The following TTC39B variants were observed in gnomAD, a reference collection of about 807,000 sequenced individuals.
TTC39B encodes tetratricopeptide repeat domain 39B, also known as tetratricopeptide repeat protein 39B.
A neutral mutation model predicts 96.6 loss-of-function variants in TTC39B; 92 were observed. The ratio of observed to expected loss-of-function variants is 0.95; its 90% CI spans 0.80 to 1.13. The LOEUF (loss-of-function observed/expected upper bound fraction) is 1.13. Ranked by LOEUF, TTC39B falls within the 50% of genes most tolerant of loss-of-function variation. The pLI is 0.00. For missense variants in TTC39B, 955 were observed against 809.3 expected (o/e 1.18, Z -2.18); for synonymous variants, 367 against 299.4 (o/e 1.23, Z -2.33).
At chr9:15,294,993 C>A (rs994894290) in intron 1 of TTC39B, among the ~76,000 whole-genome samples, 1 of 152,222 alleles carries the variant, frequency 6.6e-6, no homozygotes, top group African/African-American at 2.4e-5. Context: ...CCACGTCCAA[C>A]TGACTCCAGA....
At chr9:15,198,525 T>C (rs147944888) in intron 8 of TTC39B, among the ~76,000 whole-genome samples, 54 of 150,854 alleles carry the variant, frequency 3.6e-4, no homozygotes, top group African/African-American at 1.0e-3. Context: ...ATTACACTTT[T>C]GCAAACTTCT....
chr9:15,209,962 G>A, intron 6 of TTC39B, 126 bp downstream of exon 6: 2 of 689,526 alleles, frequency 2.9e-6, no homozygotes, highest in Non-Finnish European at 5.0e-6. Context: ...TCTTCCAGAG[G>A]GTGAGTATGA....
At chr9:15,302,251 G>A (rs1043488197) in intron 1 of TTC39B, among the ~76,000 whole-genome samples, 9 of 151,670 alleles carry the variant, frequency 5.9e-5, no homozygotes, top group East Asian at 2.0e-4. Context: ...ACTTGAGCCC[G>A]GGAGGCAGAC....
At chr9:15,207,517 T>C (rs1265580195) in intron 6 of TTC39B, among the ~76,000 whole-genome samples, 4 of 151,914 alleles carry the variant, frequency 2.6e-5, no homozygotes, top group African/African-American at 4.8e-5. Context: ...AGTGAAAGAG[T>C]TGTGGCTTAG....
At chr9:15,222,735 A>G (rs1488320320) in intron 3 of TTC39B, among the ~76,000 whole-genome samples, 1 of 152,210 alleles carries the variant, frequency 6.6e-6, no homozygotes, top group African/African-American at 2.4e-5. Flanking sequence ...AAAGAAGTCT[A>G]TGAAAGGTTT....
chr9:15,241,451 T>G (rs888195052), intron 2 of TTC39B, among the ~76,000 whole-genome samples: 2 of 152,066 alleles, frequency 1.3e-5, no homozygotes, highest in Non-Finnish European at 2.9e-5. Flanking sequence ...ATTCCAGGCA[T>G]GGTATCAGAT....
intron 3 of TTC39B, among the ~76,000 whole-genome samples, chr9:15,225,328 T>C (rs181584476): frequency 2.2e-3 from 337 of 152,316 alleles, no homozygotes; most frequent in African/African-American, 7.8e-3. Context: ...AGGATTATAG[T>C]AATACATATT....
At chr9:15,218,576 T>C (rs371366947) in intron 3 of TTC39B, among the ~76,000 whole-genome samples, 34 of 142,904 alleles carry the variant, frequency 2.4e-4, no homozygotes, top group African/African-American at 8.9e-4. Flanking sequence ...CGACTCCTCA[T>C]GTTTCTAATT....
At chr9:15,236,207 G>A (rs1315099078) in intron 2 of TTC39B, among the ~76,000 whole-genome samples, 2 of 151,910 alleles carry the variant, frequency 1.3e-5, no homozygotes, top group Non-Finnish European at 2.9e-5. Flanking sequence ...CCAACTAACA[G>A]TAAAAAAAGA....
chr9:15,242,415 C>A (rs1328657403), intron 2 of TTC39B, among the ~76,000 whole-genome samples: 1 of 152,080 alleles, frequency 6.6e-6, no homozygotes, highest in Non-Finnish European at 1.5e-5. Flanking sequence ...GACCCCATCT[C>A]TACAAAAAAT....
intron 7 of TTC39B, 46 bp from the exon 8 acceptor site, chr9:15,199,971 T>G (rs536472139): frequency 8.7e-7 from 1 of 1,150,500 alleles, no homozygotes; most frequent in East Asian, 2.5e-5. Context: ...GCAAAAAATT[T>G]TAAATTGTCC....
intron 4 of TTC39B, among the ~76,000 whole-genome samples, chr9:15,212,986 T>G (rs1820293894): frequency 1.3e-5 from 2 of 152,162 alleles, no homozygotes; most frequent in African/African-American, 4.8e-5. Flanking sequence ...TTCCTGACAC[T>G]AAGAACAGAT....
chr9:15,205,270 A>C (rs781213275), intron 6 of TTC39B, among the ~76,000 whole-genome samples: 1 of 152,190 alleles, frequency 6.6e-6, no homozygotes, highest in Non-Finnish European at 1.5e-5. Flanking sequence ...AAAGCTCAGA[A>C]AGAAGAAAGC....
intron 14 of TTC39B, among the ~76,000 whole-genome samples, 187 bp from the exon 15 acceptor site, chr9:15,187,222 A>G (rs1324535842): frequency 6.6e-6 from 1 of 152,184 alleles, no homozygotes; most frequent in Non-Finnish European, 1.5e-5. Context: ...CATAATTTAA[A>G]CCATTTTCCT....
chr9:15,249,886 C>T (rs1822454381), intron 2 of TTC39B: 2 of 1,233,092 alleles, frequency 1.6e-6, no homozygotes, highest in African/African-American at 3.2e-5. Context: ...ATCATAAACC[C>T]AGGAACTGCT....
intron 2 of TTC39B, among the ~76,000 whole-genome samples, chr9:15,231,819 T>C: frequency 6.6e-6 from 1 of 152,226 alleles, no homozygotes; most frequent in East Asian, 1.9e-4. Context: ...CCATCAACGT[T>C]AAAATCTCTC....
exon 20 of TTC39B, chr9:15,168,260 G>C (rs1310420070): frequency 6.6e-6 from 1 of 152,174 alleles, no homozygotes; most frequent in Non-Finnish European, 1.5e-5. Flanking sequence ...AAACAACACG[G>C]TTTACAGGCT....
intron 1 of TTC39B, among the ~76,000 whole-genome samples, chr9:15,271,223 T>A (rs1177391560): frequency 6.6e-6 from 1 of 152,208 alleles, no homozygotes; most frequent in East Asian, 1.9e-4. Flanking sequence ...CAAGGATTAT[T>A]TAACTCTCTA....
chr9:15,177,108 C>T (rs1217008952), intron 18 of TTC39B, among the ~76,000 whole-genome samples: 2 of 152,190 alleles, frequency 1.3e-5, no homozygotes, highest in African/African-American at 4.8e-5. Context: ...AGCACAGTCT[C>T]TGGCATATAG....
Sources: allele counts gnomAD v4.1 joint callset (sites outside exome capture counted in the v4.1 genomes callset), GRCh38; gene constraint gnomAD v4.1.1; transcripts MANE v1.5; gene names NCBI Gene and HGNC (gene_info 2026-07-23, HGNC 2026-07-21).